Variants in SLC12A5 observed in about 807,000 individuals in gnomAD.
SLC12A5 encodes K-Cl cotransporter 2.
In SLC12A5, 18 loss-of-function variants were observed where a neutral mutation model predicts 124.0. That is an observed-to-expected ratio of 0.15 (90% CI 0.10 to 0.22). The LOEUF is 0.22. Ranked by LOEUF, SLC12A5 falls within the 10% of genes least tolerant of loss-of-function variation. The pLI is 1.00. For missense variants in SLC12A5, 867 were observed against 1,478.7 expected, an observed-to-expected ratio of 0.59 and a Z score of 6.78; for synonymous variants, 589 against 568.0, an observed-to-expected ratio of 1.04 and a Z score of -0.53.
At position 46,053,719 on chromosome 20, in the gene SLC12A5, C is replaced by T. The variant is rs775068178; in HGVS notation, c.2679+10C>T. The T allele has an allele frequency of 2.6e-6, 4 of 1,567,288 alleles. No homozygotes were observed. The highest frequency in any genetic ancestry group is 2.3e-5 in the East Asian group (1 of 43,518). ...CGAGGTGGTGGAGATGGTGAGTCCC[C>T]AGGAGACACCGCTGGGGTTCCACCT... On this transcript the variant is annotated intron_variant, in intron 20 of 25. Coordinates refer to ENST00000243964, the MANE Select transcript of SLC12A5 (RefSeq NM_020708.5). This position sits in a 1 kb window ranked among gnomAD's most constrained non-coding sequence, Gnocchi z 4.7.
chr20:46,050,700 C>T (rs11700043), intron 17 of SLC12A5, among the ~76,000 whole-genome samples: 150,134 of 152,310 alleles, frequency 0.99, 74,043 homozygotes, highest in East Asian at 1. Context: ...GCACCAGGCA[C>T]TGGGCGAGGC....
At chr20:46,048,113 AAG>A (rs766125877) in intron 16 of SLC12A5, 28 bp downstream of exon 16, 1 of 1,581,802 alleles carries the variant, frequency 6.3e-7, no homozygotes. Context: ...GGGTGTGCAT[AAG>A]AGTGTGTGTG....
chr20:46,054,064 A>G (rs577659473), intron 20 of SLC12A5, among the ~76,000 whole-genome samples: 82 of 152,342 alleles, frequency 5.4e-4, no homozygotes, highest in African/African-American at 2.0e-3. Flanking sequence ...ATGTTCTGAG[A>G]AATGTGTTGT....
chr20:46,057,734 C>A lies in SLC12A5; in HGVS notation c.*129C>A. On this transcript the variant is annotated 3_prime_UTR_variant, in exon 26 of 26. Transcript: ENST00000243964. The surrounding 1 kb of genome is among the most constrained non-coding windows in gnomAD (Gnocchi z 7.1). The stretch of plus-strand genomic sequence containing the variant: ...CGTGTCCTGGCCCCTTACCCCGCTG[C>A]CTGAAGCCCGGAGGCCACGCCTGTT... 1.4e-6 allele frequency: 1 copy of A among 720,664 alleles called. No individual in the cohort carries two copies. The highest frequency in any genetic ancestry group is 2.2e-6 in the Non-Finnish European group (1 of 454,832). The allele number at this position is 720,664 out of a possible 1,614,324, so 44.6% of individuals were successfully genotyped here. A position where few individuals can be genotyped will look rare whatever the true frequency, so the allele number is the denominator to read the frequency against.
intron 15 of SLC12A5, among the ~76,000 whole-genome samples, chr20:46,047,776 C>T (rs922541368): frequency 6.6e-6 from 1 of 151,982 alleles, no homozygotes; most frequent in African/African-American, 2.4e-5. Flanking sequence ...GAGAAATGGA[C>T]AGGAATGGTG....
rs1284794474 is a variant in SLC12A5, at chr20:46,059,414, C to CA, written c.*1811dup. ...GACTGGATAGATTCTTTCAGGTACT[C>CA]AATCAGGAAGCTGGAGGTGTTAGAC... On this transcript the variant is annotated 3_prime_UTR_variant, in exon 26 of 26. Coordinates refer to ENST00000243964, the MANE Select transcript of SLC12A5 (RefSeq NM_020708.5). 2.5e-6 allele frequency: 1 copy of CA among 396,456 alleles called. No homozygotes were observed. The highest frequency in any genetic ancestry group is 4.4e-6 in the Non-Finnish European group (1 of 225,194). 24.6% of individuals were successfully genotyped at this position (396,456 alleles called of 1,614,324 possible).
rs778157213 is a variant in SLC12A5 at position 46,041,480 on chromosome 20, A to G, written c.1006A>G (p.Thr336Ala). ...FLNATCDEYF[T>A]RNNVTEIQGI... ...CAACGCCACCTGTGATGAATACTTC[A>G]CCCGAAACAATGTCACAGAGATCCA... is the stretch of plus-strand genomic sequence containing the variant. Residue 336 changes from threonine to alanine, a missense_variant, in exon 8 of 26, where the codon ACC becomes GCC. Coordinates refer to ENST00000243964, the MANE Select transcript of SLC12A5 (RefSeq NM_020708.5). 9.3e-6 allele frequency: 15 copies of G among 1,614,000 alleles called. No homozygotes were observed. The East Asian group carries it at 3.1e-4, about 34-fold the overall frequency.
In SLC12A5 at chr20:46,057,741, C is replaced by T. The variant is rs2084710656; in HGVS notation, c.*136C>T. On this transcript the variant is annotated 3_prime_UTR_variant, in exon 26 of 26. Coordinates refer to ENST00000243964, the MANE Select transcript of SLC12A5 (RefSeq NM_020708.5). The surrounding 1 kb of genome is among the most constrained non-coding windows in gnomAD (Gnocchi z 7.1). Reference sequence around the variant, plus strand: ...TGGCCCCTTACCCCGCTGCCTGAAGCCCGGAGGCCACGCCTGTTGGGGCTG... The same window carrying T: ...TGGCCCCTTACCCCGCTGCCTGAAGTCCGGAGGCCACGCCTGTTGGGGCTG... 5.9e-6 allele frequency: 4 copies of T among 680,100 alleles called. No homozygotes were observed. The highest frequency in any genetic ancestry group is 3.4e-5 in the Admixed American group (1 of 29,286). The allele number at this position is 680,100 out of a possible 1,614,324, so 42.1% of individuals were successfully genotyped here.
chr20:46,031,370 T>C (rs963025947), intron 1 of SLC12A5, among the ~76,000 whole-genome samples: 1 of 152,054 alleles, frequency 6.6e-6, no homozygotes, highest in Non-Finnish European at 1.5e-5. Flanking sequence ...GTGCTGTGGG[T>C]CCCAGAGAGA....
chr20:46,045,189 C>T lies in SLC12A5; in HGVS notation c.1569+49C>T. 6.6e-7 allele frequency: 1 copy of T among 1,516,270 alleles called. No homozygotes were observed. Among genetic ancestry groups the T allele is most frequent in the African/African-American group, 1.4e-5 (1 of 72,272 alleles). 93.9% of individuals were successfully genotyped at this position (1,516,270 alleles called of 1,614,324 possible). On this transcript the variant is annotated intron_variant, in intron 12 of 25. Coordinates refer to ENST00000243964, the MANE Select transcript of SLC12A5 (RefSeq NM_020708.5). The surrounding 1 kb of genome is among the most constrained non-coding windows in gnomAD (Gnocchi z 4.9). ...CACCCTCAGTAGACCAGCCAGGCCC[C>T]TGCCCAGAGAGACCACACAGTGACC...
chr20:46,056,652 T>C lies in SLC12A5; in HGVS notation c.3110+88T>C. The C allele has an allele frequency of 2.1e-6, 3 of 1,409,710 alleles. No individual in the cohort carries two copies. The highest frequency in any genetic ancestry group is 2.2e-5 in the Admixed American group (1 of 45,176). 87.3% of individuals were successfully genotyped at this position (1,409,710 alleles called of 1,614,324 possible). On this transcript the variant is annotated intron_variant, in intron 23 of 25. Transcript: ENST00000243964. The surrounding 1 kb of genome is among the most constrained non-coding windows in gnomAD (Gnocchi z 4.3). ...CAGAGCAAGAGAGCAGAAGGCATCC[T>C]GGTCTGTCAGCCTGCAGACCCAGCT...
Position 46,053,190 on chromosome 20 carries a change from A to G in SLC12A5, c.2547+64A>G, listed in dbSNP as rs940129464. The G allele has an allele frequency of 6.5e-7, 1 of 1,535,894 alleles. No homozygotes were observed. The highest frequency in any genetic ancestry group is 1.4e-5 in the African/African-American group (1 of 73,428). On this transcript the variant is annotated intron_variant, in intron 19 of 25. Transcript: ENST00000243964. This position sits in a 1 kb window ranked among gnomAD's most constrained non-coding sequence, Gnocchi z 4.7. ...TGTATGCATGTATGCATTTGTGTGC[A>G]TATGTGCACAACTGCAGGTCAGACT...
intron 16 of SLC12A5, 88 bp downstream of exon 16, chr20:46,048,173 T>G: frequency 8.3e-7 from 1 of 1,200,104 alleles, no homozygotes; most frequent in South Asian, 1.6e-5. Flanking sequence ...AGGGCCTGAC[T>G]TATCCTGCTT....
At chr20:46,044,482 C>T (rs890347368) in intron 11 of SLC12A5, among the ~76,000 whole-genome samples, 2 of 152,154 alleles carry the variant, frequency 1.3e-5, no homozygotes, top group African/African-American at 4.8e-5. Flanking sequence ...CTCACTTATC[C>T]TTCCTGCTTT....
intron 14 of SLC12A5, 34 bp downstream of exon 14, chr20:46,046,470 A>G: frequency 6.3e-7 from 1 of 1,588,158 alleles, no homozygotes; most frequent in Non-Finnish European, 8.6e-7. Context: ...CCACTGAGCC[A>G]CTTGCTCACC....
Position 46,034,043 on chromosome 20 carries a change from C to G in SLC12A5, c.53-905C>G, listed in dbSNP as rs982881639. On this transcript the variant is annotated intron_variant, in intron 1 of 25. Transcript: ENST00000243964. Reference sequence around the variant, plus strand: ...CACGACCTGCTAATCATTTAAGGGACCAGCCTGCGCTTCCCTTCCCAGGCT... The same window carrying G: ...CACGACCTGCTAATCATTTAAGGGAGCAGCCTGCGCTTCCCTTCCCAGGCT... Among the ~76,000 whole-genome samples the G allele has an allele frequency of 3.3e-5, 5 of 152,100 alleles. No homozygotes were observed. In the Middle Eastern group the frequency reaches 0.013, roughly 385 times the overall value.
chr20:46,027,418 A>T (rs1403629084), upstream of SLC12A5, among the ~76,000 whole-genome samples: 1 of 152,180 alleles, frequency 6.6e-6, no homozygotes, highest in Non-Finnish European at 1.5e-5. Flanking sequence ...TTGTATTAAT[A>T]CAAGTAAAGC....
intron 18 of SLC12A5, among the ~76,000 whole-genome samples, chr20:46,052,356 A>G (rs952007329): frequency 2.0e-5 from 3 of 152,224 alleles, no homozygotes; most frequent in Non-Finnish European, 2.9e-5. Flanking sequence ...AGGGCTACGC[A>G]TTGTTATCTC....
At chr20:46,041,178 G>C in intron 7 of SLC12A5, 151 bp from the exon 8 acceptor site, 2 of 552,738 alleles carry the variant, frequency 3.6e-6, no homozygotes, top group Admixed American at 3.5e-5. Flanking sequence ...AAAAAAAAAA[G>C]CCAATGGCCA....
Sources: gnomAD v4.1 joint callset for allele counts (sites outside exome capture counted in the v4.1 genomes callset) on GRCh38, gnomAD v4.1.1 for gene constraint, Gnocchi (gnomAD v3.1) non-coding constraint, MANE v1.5 for transcripts, NCBI Gene and HGNC (gene_info 2026-07-23, HGNC 2026-07-21) for gene names.